Variants in EIPR1 observed in about 807,000 individuals in gnomAD.
EIPR1 encodes EARP and GARP complex-interacting protein 1.
EIPR1 carries 25 observed loss-of-function variants against 48.1 expected under a neutral mutation model. That is an observed-to-expected ratio of 0.52 (90% confidence interval 0.38 to 0.73). The LOEUF is 0.73. Among genes scored for constraint, EIPR1 ranks in the 30% least tolerant of loss-of-function variants. The pLI is 0.00. For synonymous variants in EIPR1, 204 were observed against 201.9 expected (o/e 1.01, Z -0.09); for missense variants, 415 against 506.2 (o/e 0.82, Z 1.73).
intron 1 of EIPR1, among the ~76,000 whole-genome samples, chr2:3,366,868 C>G (rs375901834): frequency 1.3e-5 from 2 of 152,058 alleles, no homozygotes; most frequent in Non-Finnish European, 2.9e-5. Flanking sequence ...GCCTGACCAA[C>G]GTGGTGAAAC....
At chr2:3,322,653 G>T (rs1669570219) in intron 3 of EIPR1, among the ~76,000 whole-genome samples, 1 of 152,198 alleles carries the variant, frequency 6.6e-6, no homozygotes, top group South Asian at 2.1e-4. Context: ...TCCATTGACA[G>T]AGTCCCTCGC....
intron 4 of EIPR1, among the ~76,000 whole-genome samples, chr2:3,237,271 C>CACACACACAA (rs1572338805): frequency 7.0e-6 from 1 of 142,110 alleles, no homozygotes; most frequent in Non-Finnish European, 1.5e-5. Context: ...CACACACACA[C>CACACACACAA]CATACATATG....
intron 3 of EIPR1, among the ~76,000 whole-genome samples, chr2:3,335,346 G>C (rs1387134135): frequency 6.6e-6 from 1 of 152,184 alleles, no homozygotes; most frequent in Non-Finnish European, 1.5e-5. Flanking sequence ...AGGCTGGGAG[G>C]CTTTTGAGGA....
At chr2:3,367,419 C>G (rs1671001210) in intron 1 of EIPR1, among the ~76,000 whole-genome samples, 1 of 152,214 alleles carries the variant, frequency 6.6e-6, no homozygotes, top group Non-Finnish European at 1.5e-5. Context: ...TGTAACAGCA[C>G]CACACCTTAG....
chr2:3,234,589 T>C (rs1211141599), intron 4 of EIPR1, among the ~76,000 whole-genome samples: 3 of 152,202 alleles, frequency 2.0e-5, no homozygotes, highest in African/African-American at 7.2e-5. Flanking sequence ...AACACCCTGA[T>C]AGAAGGGGAA....
intron 2 of EIPR1, among the ~76,000 whole-genome samples, chr2:3,354,027 T>C (rs1461601692): frequency 6.6e-6 from 1 of 152,166 alleles, no homozygotes; most frequent in African/African-American, 2.4e-5. Flanking sequence ...CAAGGTCACG[T>C]GGTTACTGCC....
At chr2:3,251,018 C>A (rs1666987121) in intron 4 of EIPR1, among the ~76,000 whole-genome samples, 1 of 151,992 alleles carries the variant, frequency 6.6e-6, no homozygotes, top group African/African-American at 2.4e-5. Context: ...GCAGCTAACA[C>A]ACATAAAATA....
rs1221237831 is a variant in EIPR1, at chr2:3,214,205, A to C, written c.460T>G (p.Leu154Val). 1 of 1,613,982 alleles carries C rather than the reference A, an allele frequency of 6.2e-7. No homozygotes were observed. Among genetic ancestry groups the C allele is most frequent in the Non-Finnish European group, 8.5e-7 (1 of 1,179,914 alleles). Residue 154 changes from leucine (L) to valine (V), a missense_variant, in exon 5 of 9, where the codon TTG becomes GTG. Coordinates refer to ENST00000382125, the MANE Select transcript of EIPR1 (RefSeq NM_003310.5). ...PMGDGKKIIS[L>V]ADNHILLWDL... ...CACAGCAGGATATGGTTATCAGCCA[A>C]GGAAATGATTTTCTTCCCATCTCCC...
intron 4 of EIPR1, among the ~76,000 whole-genome samples, chr2:3,223,520 T>C (rs917883111): frequency 1.3e-5 from 2 of 152,192 alleles, no homozygotes; most frequent in African/African-American, 4.8e-5. Context: ...TTTTGCGCGT[T>C]CTTAAATGCA....
intron 3 of EIPR1, among the ~76,000 whole-genome samples, chr2:3,335,957 G>C (rs1004660937): frequency 2.6e-5 from 4 of 152,146 alleles, no homozygotes; most frequent in African/African-American, 7.2e-5. Context: ...CTAATACCCC[G>C]ACTGTCAGGA....
intron 3 of EIPR1, among the ~76,000 whole-genome samples, chr2:3,293,466 C>A (rs1302116645): frequency 6.6e-6 from 1 of 152,200 alleles, no homozygotes; most frequent in Non-Finnish European, 1.5e-5. Context: ...CAGGGAGAAC[C>A]CGGACTGCTC....
chr2:3,319,552 A>G (rs1669427083), intron 3 of EIPR1: 1 of 161,862 alleles, frequency 6.2e-6, no homozygotes, highest in South Asian at 1.7e-4. Flanking sequence ...CGAGTAGTGG[A>G]GTTGGGGCCC....
intron 5 of EIPR1, among the ~76,000 whole-genome samples, chr2:3,205,689 G>T (rs1334217748): frequency 6.6e-6 from 1 of 152,144 alleles, no homozygotes; most frequent in Non-Finnish European, 1.5e-5. Flanking sequence ...CCTATCTCTG[G>T]TTGGGAATTC....
chr2:3,310,449 T>C (rs13405252), intron 3 of EIPR1, among the ~76,000 whole-genome samples: 61,859 of 135,006 alleles, frequency 0.46, 16,268 homozygotes, highest in East Asian at 0.8. Flanking sequence ...GTCAGGAGAC[T>C]GAGACCATCC....
At chr2:3,238,588 T>C (rs1666491191) in intron 4 of EIPR1, among the ~76,000 whole-genome samples, 2 of 152,252 alleles carry the variant, frequency 1.3e-5, no homozygotes, top group Admixed American at 1.3e-4. Flanking sequence ...GTCTCCCCAC[T>C]GTCAGGAGAA....
At chr2:3,202,453 G>A (rs1226124677) in intron 5 of EIPR1, among the ~76,000 whole-genome samples, 4 of 152,206 alleles carry the variant, frequency 2.6e-5, no homozygotes, top group Admixed American at 6.5e-5. Flanking sequence ...GCTGGATATT[G>A]TTTCTAACTA....
chr2:3,248,697 G>A (rs370397028), intron 4 of EIPR1, among the ~76,000 whole-genome samples: 15 of 152,324 alleles, frequency 9.8e-5, no homozygotes, highest in Admixed American at 3.3e-4. Flanking sequence ...ACTGGAAGGC[G>A]GAGGCAGAGG....
chr2:3,373,201 C>T (rs1310342493), intron 1 of EIPR1, among the ~76,000 whole-genome samples: 1 of 151,710 alleles, frequency 6.6e-6, no homozygotes, highest in African/African-American at 2.4e-5. Flanking sequence ...TAAAAACTCT[C>T]AATAAATTAG....
At chr2:3,351,815 G>A (rs1379637967) in intron 2 of EIPR1, among the ~76,000 whole-genome samples, 1 of 152,186 alleles carries the variant, frequency 6.6e-6, no homozygotes, top group Non-Finnish European at 1.5e-5. Flanking sequence ...TGCTTTCTCA[G>A]GTTTCAGTTA....
Sources: allele counts gnomAD v4.1 joint callset (sites outside exome capture counted in the v4.1 genomes callset), GRCh38; gene constraint gnomAD v4.1.1; transcripts MANE v1.5; gene names NCBI Gene and HGNC (gene_info 2026-07-23, HGNC 2026-07-21).